ZMYND8: variants seen among roughly 807,000 people sequenced by gnomAD.
The protein encoded by ZMYND8 is MYND-type zinc finger-containing chromatin reader ZMYND8.
Under a neutral mutation model 140.8 loss-of-function variants are expected in ZMYND8, and 37 were observed. That is an observed-to-expected ratio of 0.26 (90% CI 0.20 to 0.35). The LOEUF is 0.35. ZMYND8 is among the 10% of genes least tolerant of loss of function. The probability of loss-of-function intolerance (pLI) is 1.00; values close to 1 mark genes in which losing one functional copy is unlikely to be tolerated. For synonymous variants in ZMYND8, 592 were observed against 597.1 expected (o/e 0.99, Z 0.12); for missense variants, 1,068 against 1,570.0 (o/e 0.68, Z 5.40).
intron 11 of ZMYND8, among the ~76,000 whole-genome samples, chr20:47,272,061 G>C (rs2075981952): frequency 6.6e-6 from 1 of 151,612 alleles, no homozygotes; most frequent in Middle Eastern, 3.2e-3. Flanking sequence ...AAAAAAGGGG[G>C]GGGGGAGTAA....
chr20:47,350,328 GAAAAAAAAAAA>G (rs3084684), intron 1 of ZMYND8, among the ~76,000 whole-genome samples: 3 of 93,250 alleles, frequency 3.2e-5, no homozygotes, highest in East Asian at 4.0e-4. Context: ...ATTAAAAGGA[GAAAAAAAAAAA>G]AAAAAAAAAA....
intron 2 of ZMYND8, among the ~76,000 whole-genome samples, chr20:47,335,612 T>C (rs2081335325): frequency 6.6e-6 from 1 of 152,148 alleles, no homozygotes; most frequent in Non-Finnish European, 1.5e-5. Context: ...AAAGAAGAGA[T>C]GGTTCTTTTT....
chr20:47,339,885 A>G lies in ZMYND8; in HGVS notation c.85+7971T>C, dbSNP rs1404894091. Among the ~76,000 whole-genome samples, 4 of 152,280 alleles carry G rather than the reference A, an allele frequency of 2.6e-5. No individual in the cohort carries two copies. In the East Asian group the frequency reaches 5.8e-4, roughly 22 times the overall value. On this transcript the variant is annotated intron_variant, in intron 2 of 22. Coordinates refer to ENST00000471951, the MANE Select transcript of ZMYND8 (RefSeq NM_001281775.3). ...ACAAAAGGAAACCTAGCCACAAGGA[A>G]TAACTCAGCTAGAAAGGGGGCAAGA...
At chr20:47,353,625 A>T (rs1375221157) in intron 1 of ZMYND8, 1 of 152,188 alleles carries the variant, frequency 6.6e-6, no homozygotes, top group South Asian at 2.1e-4. Context: ...TCTTGAAGGA[A>T]AAAAAAGGAG....
At chr20:47,254,374 T>A (rs2074425414) in intron 12 of ZMYND8, among the ~76,000 whole-genome samples, 2 of 152,230 alleles carry the variant, frequency 1.3e-5, no homozygotes. Context: ...TAGGAATTTA[T>A]CCTATGGATT....
intron 18 of ZMYND8, among the ~76,000 whole-genome samples, chr20:47,226,824 T>C (rs924608802): frequency 6.6e-6 from 1 of 151,926 alleles, no homozygotes; most frequent in Non-Finnish European, 1.5e-5. Flanking sequence ...CAGGCCCAGG[T>C]AATGGTTTAA....
At chr20:47,252,662 T>C (rs2074285633) in intron 12 of ZMYND8, among the ~76,000 whole-genome samples, 1 of 152,146 alleles carries the variant, frequency 6.6e-6, no homozygotes, top group Non-Finnish European at 1.5e-5. Flanking sequence ...TGGCTCACAC[T>C]TGTAATCCCT....
intron 2 of ZMYND8, among the ~76,000 whole-genome samples, chr20:47,347,511 G>C (rs1318657719): frequency 6.6e-6 from 1 of 152,184 alleles, no homozygotes; most frequent in Non-Finnish European, 1.5e-5. Context: ...GTTAAAATCA[G>C]AAAACGAGCA....
rs367895255 is a variant in ZMYND8, at chr20:47,247,059, A to G, written c.1775-542T>C. Among the ~76,000 whole-genome samples, 3 of 152,358 alleles carry G rather than the reference A, an allele frequency of 2.0e-5. No homozygotes were observed. The East Asian group carries it at 5.8e-4, about 29-fold the overall frequency. ...CAAAGAAAATAAGCCAAAGCCTTAA[A>G]GCAGAGGTTGCAAACAGCCCACAAG... On this transcript the variant is annotated intron_variant, in intron 13 of 22. Coordinates refer to ENST00000471951, the MANE Select transcript of ZMYND8 (RefSeq NM_001281775.3).
intron 16 of ZMYND8, among the ~76,000 whole-genome samples, chr20:47,234,114 T>C (rs1346528437): frequency 6.6e-6 from 1 of 152,212 alleles, no homozygotes; most frequent in East Asian, 1.9e-4. Context: ...AGTGGCAAGA[T>C]CTCGGCTCAC....
chr20:47,286,716 A>C (rs750883710), intron 8 of ZMYND8, among the ~76,000 whole-genome samples: 1 of 152,202 alleles, frequency 6.6e-6, no homozygotes, highest in East Asian at 1.9e-4. Context: ...CCTGTCCCAC[A>C]ACCACCAGAG....
At position 47,331,695 on chromosome 20, in the gene ZMYND8, C is replaced by T. The variant is rs115737403; in HGVS notation, c.85+16161G>A. Among the ~76,000 whole-genome samples, 870 of 152,236 alleles carry T rather than the reference C, an allele frequency of 5.7e-3. 9 individuals are homozygous for T. The highest frequency in any genetic ancestry group is 0.02 in the African/African-American group (831 of 41,540). On this transcript the variant is annotated intron_variant, in intron 2 of 22. Transcript: ENST00000471951. Reference sequence around the variant, plus strand: ...GGAAACAGAAGGAAAATCAGCACTGCGGTGGCAAAGAAGGCAAAGGAAGAG... The same window carrying T: ...GGAAACAGAAGGAAAATCAGCACTGTGGTGGCAAAGAAGGCAAAGGAAGAG...
At chr20:47,212,371 A>G (rs1454980155) in intron 22 of ZMYND8, among the ~76,000 whole-genome samples, 3 of 152,206 alleles carry the variant, frequency 2.0e-5, no homozygotes, top group Non-Finnish European at 2.9e-5. Flanking sequence ...CACAGGAGGG[A>G]ATCGGTGTTC....
At chr20:47,326,859 C>T (rs1056115572) in intron 2 of ZMYND8, among the ~76,000 whole-genome samples, 4 of 152,138 alleles carry the variant, frequency 2.6e-5, no homozygotes, top group Non-Finnish European at 5.9e-5. Flanking sequence ...AGGCATAAGA[C>T]GGGTCTAGAT....
intron 2 of ZMYND8, among the ~76,000 whole-genome samples, chr20:47,342,704 C>G (rs976284458): frequency 8.6e-5 from 13 of 151,900 alleles, no homozygotes; most frequent in African/African-American, 3.1e-4. Flanking sequence ...AAAAATTAGC[C>G]GGGCATGGTG....
chr20:47,226,859 G>A (rs952069195), intron 18 of ZMYND8, among the ~76,000 whole-genome samples: 4 of 152,004 alleles, frequency 2.6e-5, no homozygotes, highest in African/African-American at 2.4e-5. Flanking sequence ...ATAGGGTTTC[G>A]CCAGATTACC....
At chr20:47,329,904 A>G (rs1387799064) in intron 2 of ZMYND8, among the ~76,000 whole-genome samples, 1 of 152,166 alleles carries the variant, frequency 6.6e-6, no homozygotes, top group Non-Finnish European at 1.5e-5. Flanking sequence ...GTGAATATGG[A>G]TTCACCTTTC....
In ZMYND8 at chr20:47,245,996, ACAAT is replaced by A. The variant is rs1479616085; in HGVS notation, c.2284+8_2284+11del. 2 of 1,565,246 alleles carry A rather than the reference ACAAT, an allele frequency of 1.3e-6. No homozygotes were observed. The highest frequency in any genetic ancestry group is 2.8e-5 in the African/African-American group (2 of 72,654). Reference sequence around the variant, plus strand: ...CAAATTAAGAAAACTGGAAACAGATACAATCACTTACCATCCTGTTTGGGAGATG... The same window carrying A: ...CAAATTAAGAAAACTGGAAACAGATACACTTACCATCCTGTTTGGGAGATG... On this transcript the variant is annotated splice_region_variant and intron_variant, in intron 14 of 22. Transcript: ENST00000471951.
At chr20:47,273,996 T>C (rs1200552977) in intron 11 of ZMYND8, among the ~76,000 whole-genome samples, 1 of 152,182 alleles carries the variant, frequency 6.6e-6, no homozygotes, top group Non-Finnish European at 1.5e-5. Context: ...AGATTATATT[T>C]TAGGAAAGGG....
Sources: gnomAD v4.1 joint callset for allele counts (sites outside exome capture counted in the v4.1 genomes callset) on GRCh38, gnomAD v4.1.1 for gene constraint, MANE v1.5 for transcripts, NCBI Gene and HGNC (gene_info 2026-07-23, HGNC 2026-07-21) for gene names.